The following TMTC2 variants were observed in gnomAD, a reference collection of about 807,000 sequenced individuals.
TMTC2 encodes protein O-mannosyl-transferase TMTC2.
In TMTC2, 43 loss-of-function variants were observed where a neutral mutation model predicts 82.4. That is an observed-to-expected ratio of 0.52 (90% CI 0.41 to 0.67). The LOEUF (loss-of-function observed/expected upper bound fraction) is 0.67, where lower values mean the gene tolerates loss of function less well. Among genes scored for constraint, TMTC2 ranks in the 30% least tolerant of loss-of-function variants. The probability of loss-of-function intolerance (pLI) is 0.00; values close to 1 mark genes in which losing one functional copy is unlikely to be tolerated. For synonymous variants in TMTC2, 408 were observed against 381.9 expected (o/e 1.07, Z -0.80); for missense variants, 919 against 1,012.4 (o/e 0.91, Z 1.25).
rs747399728 is a variant in TMTC2, at chr12:82,965,616, C to T, written c.1741C>T (p.Arg581Ter). 4 of 1,613,672 alleles carry T rather than the reference C, an allele frequency of 2.5e-6. No individual in the cohort carries two copies. Among genetic ancestry groups the T allele is most frequent in the Admixed American group, 1.7e-5 (1 of 59,972 alleles). The change falls in exon 6 of 12, where the codon CGA (arginine) becomes TGA (stop). Residue 581 changes from arginine to a stop codon, truncating the protein, a stop_gained. Coordinates refer to ENST00000321196, the MANE Select transcript of TMTC2 (RefSeq NM_152588.3). LOFTEE classifies it high-confidence loss of function. ...GAACCAAGGAAGGACGGAAGAAGCCCGACGGACATTCTTAAAGTGTTCGGA... is the reference window on the plus strand; with the variant it reads ...GAACCAAGGAAGGACGGAAGAAGCCTGACGGACATTCTTAAAGTGTTCGGA... ...LMNQGRTEEA[R>*]RTFLKCSEIP...
intron 1 of TMTC2, among the ~76,000 whole-genome samples, chr12:82,728,683 C>A (rs1874590779): frequency 6.6e-6 from 1 of 152,240 alleles, no homozygotes; most frequent in African/African-American, 2.4e-5. Context: ...CTTGAGGAGC[C>A]CTTCAGCATG....
chr12:82,977,760 A>C (rs1264993199), intron 7 of TMTC2, among the ~76,000 whole-genome samples: 1 of 151,812 alleles, frequency 6.6e-6, no homozygotes, highest in African/African-American at 2.4e-5. Context: ...TTATAATAAG[A>C]GTTGTGTTTT....
At chr12:83,099,457 T>C (rs1332566075) in intron 11 of TMTC2, among the ~76,000 whole-genome samples, 1 of 152,242 alleles carries the variant, frequency 6.6e-6, no homozygotes, top group Non-Finnish European at 1.5e-5. Context: ...TTTAAGCATA[T>C]GCTGTTTTGA....
chr12:82,716,711 C>T (rs956645572), intron 1 of TMTC2, among the ~76,000 whole-genome samples: 1 of 152,000 alleles, frequency 6.6e-6, no homozygotes, highest in Non-Finnish European at 1.5e-5. Context: ...GGTGGACATA[C>T]TATCAGGTGC....
chr12:82,903,418 T>C (rs1035340801), intron 3 of TMTC2, among the ~76,000 whole-genome samples: 2 of 152,140 alleles, frequency 1.3e-5, no homozygotes, highest in African/African-American at 2.4e-5. Flanking sequence ...TTTGTTTTTG[T>C]TTTGTTTTTT....
At chr12:83,081,324 A>G (rs1446005751) in intron 11 of TMTC2, among the ~76,000 whole-genome samples, 4 of 152,202 alleles carry the variant, frequency 2.6e-5, no homozygotes, top group Non-Finnish European at 5.9e-5. Flanking sequence ...TGCTTGTCAC[A>G]TTTTTATAAA....
chr12:83,129,767 ATGTGGG>A (rs1885206518), intron 11 of TMTC2, among the ~76,000 whole-genome samples: 1 of 152,184 alleles, frequency 6.6e-6, no homozygotes, highest in Non-Finnish European at 1.5e-5. Context: ...AATGACAATA[ATGTGGG>A]TATTCTCATA....
chr12:82,937,621 G>T (rs569330051), intron 4 of TMTC2, among the ~76,000 whole-genome samples: 32 of 151,282 alleles, frequency 2.1e-4, no homozygotes, highest in Non-Finnish European at 4.0e-4. Flanking sequence ...GGGCCCAGCC[G>T]GTAATTTTTA....
intron 3 of TMTC2, among the ~76,000 whole-genome samples, chr12:82,929,504 A>G (rs1490951006): frequency 1.3e-5 from 2 of 152,234 alleles, no homozygotes; most frequent in Non-Finnish European, 2.9e-5. Context: ...TGAGATTGAA[A>G]GATTCTGTGC....
intron 8 of TMTC2, among the ~76,000 whole-genome samples, chr12:83,009,341 TG>T (rs1880349433): frequency 6.6e-6 from 1 of 152,242 alleles, no homozygotes; most frequent in African/African-American, 2.4e-5. Context: ...CCTAAGACTG[TG>T]GTCCTCAGGG....
chr12:83,096,707 A>C (rs1423564390), intron 11 of TMTC2, among the ~76,000 whole-genome samples: 1 of 152,164 alleles, frequency 6.6e-6, no homozygotes, highest in East Asian at 1.9e-4. Context: ...CCCCTCCCAC[A>C]ACACAAGGGA....
At chr12:83,012,846 T>A (rs2137389620) in intron 8 of TMTC2, among the ~76,000 whole-genome samples, 1 of 152,248 alleles carries the variant, frequency 6.6e-6, no homozygotes, top group Non-Finnish European at 1.5e-5. Flanking sequence ...AATCCTCTGT[T>A]GTTTTATTAG....
intron 1 of TMTC2, chr12:82,760,848 G>A (rs1267564266): frequency 4.8e-6 from 2 of 414,014 alleles, no homozygotes; most frequent in East Asian, 9.4e-5. Flanking sequence ...CTGATCATCT[G>A]TCATTGTCTC....
intron 7 of TMTC2, among the ~76,000 whole-genome samples, chr12:82,975,466 T>C (rs951004317): frequency 6.6e-6 from 1 of 152,164 alleles, no homozygotes; most frequent in East Asian, 1.9e-4. Context: ...AAATAGAACA[T>C]GCAGAGTTTT....
chr12:82,708,769 C>A (rs935080998), intron 1 of TMTC2, among the ~76,000 whole-genome samples: 3 of 152,212 alleles, frequency 2.0e-5, no homozygotes, highest in Non-Finnish European at 4.4e-5. Flanking sequence ...TGTTTCCCAG[C>A]TGTCTGTTGC....
chr12:83,065,602 C>A (rs1051279800), intron 11 of TMTC2, among the ~76,000 whole-genome samples: 7 of 151,822 alleles, frequency 4.6e-5, no homozygotes, highest in African/African-American at 1.2e-4. Context: ...AAACTCCTTA[C>A]CGAAATTGCC....
At chr12:82,949,977 G>A (rs1326508242) in intron 4 of TMTC2, among the ~76,000 whole-genome samples, 1 of 152,196 alleles carries the variant, frequency 6.6e-6, no homozygotes. Context: ...ATGCTTACAT[G>A]TTGGGAAGTG....
chr12:82,708,198 T>A (rs1181540598), intron 1 of TMTC2, among the ~76,000 whole-genome samples: 2 of 152,212 alleles, frequency 1.3e-5, no homozygotes, highest in Admixed American at 1.3e-4. Context: ...CGAAAAAGTT[T>A]GCCAACCCCT....
At chr12:82,947,551 C>T in intron 4 of TMTC2, among the ~76,000 whole-genome samples, 1 of 151,192 alleles carries the variant, frequency 6.6e-6, no homozygotes, top group East Asian at 1.9e-4. Context: ...ACCGTGGTCT[C>T]GATCTCCTGA....
Sources: allele counts gnomAD v4.1 joint callset (sites outside exome capture counted in the v4.1 genomes callset), GRCh38; gene constraint gnomAD v4.1.1; transcripts MANE v1.5; gene names NCBI Gene and HGNC (gene_info 2026-07-23, HGNC 2026-07-21).